The following POC1B variants were observed in gnomAD, a reference collection of about 807,000 sequenced individuals.
POC1B encodes the protein POC1 centriolar protein homolog B.
A neutral mutation model predicts 60.6 loss-of-function variants in POC1B; 44 were observed. The observed-to-expected ratio is 0.73, with a 90% CI of 0.57 to 0.93. The LOEUF (loss-of-function observed/expected upper bound fraction) is 0.93. POC1B is among the 40% of genes least tolerant of loss of function. The pLI is 0.00. For missense variants in POC1B, 555 were observed against 572.3 expected (o/e 0.97, Z 0.31); for synonymous variants, 180 against 198.9 (o/e 0.90, Z 0.80).
intron 2 of POC1B, among the ~76,000 whole-genome samples, chr12:89,514,018 C>T (rs1480415775): frequency 6.6e-6 from 1 of 152,186 alleles, no homozygotes; most frequent in South Asian, 2.1e-4. Context: ...CTCTCATCAC[C>T]TTTCCACCCA....
chr12:89,406,203 T>C, the POC1B span, among the ~76,000 whole-genome samples: 1 of 152,240 alleles, frequency 6.6e-6, no homozygotes, highest in African/African-American at 2.4e-5. Context: ...AATAGGATTG[T>C]CATGACTAGG....
chr12:89,456,885 T>G (rs1430914128), intron 10 of POC1B, among the ~76,000 whole-genome samples: 1 of 152,202 alleles, frequency 6.6e-6, no homozygotes, highest in East Asian at 1.9e-4. Context: ...CAAGTGAAAG[T>G]AGAAATAGAG....
At chr12:89,511,160 C>T (rs984857469) in intron 2 of POC1B, among the ~76,000 whole-genome samples, 6 of 152,038 alleles carry the variant, frequency 3.9e-5, no homozygotes, top group Admixed American at 1.3e-4. Context: ...CAGTGGCTCA[C>T]GCCTGTAAGC....
chr12:89,430,700 T>C (rs1428367503), intron 10 of POC1B, among the ~76,000 whole-genome samples: 1 of 152,110 alleles, frequency 6.6e-6, no homozygotes, highest in Non-Finnish European at 1.5e-5. Flanking sequence ...TTCTCACTCC[T>C]TATTATATTT....
chr12:89,508,286 T>A (rs2135755505), intron 2 of POC1B, among the ~76,000 whole-genome samples: 1 of 152,348 alleles, frequency 6.6e-6, no homozygotes, highest in African/African-American at 2.4e-5. Flanking sequence ...TTTTCCCTCT[T>A]ATTTTTGGTA....
chr12:89,496,994 A>G (rs999484167), intron 3 of POC1B, 177 bp downstream of exon 3: 4 of 656,698 alleles, frequency 6.1e-6, no homozygotes, highest in Admixed American at 5.6e-5. Flanking sequence ...CAAAAAGAAG[A>G]CATAATTTTG....
intron 4 of POC1B, chr12:89,485,123 T>G (rs1382859744): frequency 6.6e-6 from 1 of 152,192 alleles, no homozygotes; most frequent in Admixed American, 6.5e-5. Context: ...TCTCCTAAAG[T>G]TATTAAACAT....
At chr12:89,515,507 T>C (rs1193282715) in intron 2 of POC1B, among the ~76,000 whole-genome samples, 1 of 152,062 alleles carries the variant, frequency 6.6e-6, no homozygotes, top group East Asian at 1.9e-4. Flanking sequence ...GGGGGTGGAA[T>C]CTTAATTTAG....
rs369151825 is a variant in POC1B, at chr12:89,459,721, G to C, written c.1033-3C>G. 2.1e-6 allele frequency: 3 copies of C among 1,453,604 alleles called. No individual in the cohort carries two copies. Among genetic ancestry groups the C allele is most frequent in the Non-Finnish European group, 1.8e-6 (2 of 1,088,958 alleles). 90.0% of individuals were successfully genotyped at this position (1,453,604 alleles called of 1,614,324 possible). On this transcript the variant is annotated splice_region_variant and splice_polypyrimidine_tract_variant and intron_variant, in intron 9 of 11. Transcript: ENST00000313546. ...ATTACCTCAAGCTTTGGATTAATCT[G>C]TGTATATACATAAAAAAAAATTATG...
At chr12:89,402,980 G>A in the POC1B span, among the ~76,000 whole-genome samples, 15 of 151,194 alleles carry the variant, frequency 9.9e-5, no homozygotes, top group Admixed American at 5.3e-4. Flanking sequence ...GATTATAGGC[G>A]TGAGGCATCT....
At position 89,525,209 on chromosome 12, in the gene POC1B, A is replaced by T; in HGVS notation, c.16-5T>A. The T allele has an allele frequency of 6.2e-7, 1 of 1,605,858 alleles. No individual in the cohort carries two copies. Among genetic ancestry groups the T allele is most frequent in the African/African-American group, 1.4e-5 (1 of 73,990 alleles). On this transcript the variant is annotated splice_region_variant and splice_polypyrimidine_tract_variant and intron_variant, in intron 1 of 11. Coordinates refer to ENST00000313546, the MANE Select transcript of POC1B (RefSeq NM_172240.3). Reference sequence around the variant, plus strand: ...ACGCTCCAGAACGGGGTCCTCCTGGAAAGGAAAGTTGTCAAGTTTTGAAAG... The same window carrying T: ...ACGCTCCAGAACGGGGTCCTCCTGGTAAGGAAAGTTGTCAAGTTTTGAAAG...
chr12:89,472,022 C>A (rs892193148), intron 5 of POC1B, 146 bp downstream of exon 5: 7 of 618,854 alleles, frequency 1.1e-5, no homozygotes, highest in African/African-American at 1.9e-5. Flanking sequence ...CCTGCCTCAG[C>A]CTCCCGAAGT....
At chr12:89,463,972 TTCAGATGAGTCTCATAGAAAACATAATAC>T (rs1882576506) in intron 9 of POC1B, among the ~76,000 whole-genome samples, 1 of 152,176 alleles carries the variant, frequency 6.6e-6, no homozygotes, top group African/African-American at 2.4e-5. Flanking sequence ...GATTATGCAA[TTCAGATGAGTCTCATAGAAAACATAATAC>T]AAATCATAAA....
chr12:89,460,300 AAAGAGT>A (rs1334840775), intron 9 of POC1B, among the ~76,000 whole-genome samples: 2 of 152,176 alleles, frequency 1.3e-5, no homozygotes, highest in Non-Finnish European at 2.9e-5. Context: ...AACATACAAA[AAAGAGT>A]AAGACCTTAT....
chr12:89,470,632 C>G, intron 6 of POC1B, 138 bp from the exon 7 acceptor site: 1 of 575,656 alleles, frequency 1.7e-6, no homozygotes, highest in Admixed American at 3.6e-5. Context: ...CTCACTAAAA[C>G]GAGTATTTTG....
At chr12:89,506,585 G>A (rs1389418703) in intron 2 of POC1B, among the ~76,000 whole-genome samples, 1 of 152,174 alleles carries the variant, frequency 6.6e-6, no homozygotes, top group Non-Finnish European at 1.5e-5. Context: ...ATTCCAAGAG[G>A]GTGACAAGTG....
chr12:89,510,564 GATC>G (rs1365135002), intron 2 of POC1B, among the ~76,000 whole-genome samples: 1 of 152,132 alleles, frequency 6.6e-6, no homozygotes, highest in Non-Finnish European at 1.5e-5. Context: ...AAGCCAAGGA[GATC>G]ATCACCTTGC....
At chr12:89,417,419 G>C (rs528495132), downstream of POC1B, among the ~76,000 whole-genome samples, 1 of 152,220 alleles carries the variant, frequency 6.6e-6, no homozygotes, top group South Asian at 2.1e-4. Context: ...CCTTATAAAA[G>C]TTTTCCCCTT....
chr12:89,444,695 C>G (rs1170237778), intron 10 of POC1B, among the ~76,000 whole-genome samples: 1 of 152,172 alleles, frequency 6.6e-6, no homozygotes, highest in East Asian at 1.9e-4. Context: ...AAAACTGGCA[C>G]AAGACAGGGA....
Sources: gnomAD v4.1 joint callset for allele counts (sites outside exome capture counted in the v4.1 genomes callset) on GRCh38, gnomAD v4.1.1 for gene constraint, MANE v1.5 for transcripts, NCBI Gene and HGNC (gene_info 2026-07-23, HGNC 2026-07-21) for gene names.